POU2F2: variants seen among roughly 807,000 people sequenced by gnomAD.
POU2F2 encodes the protein POU class 2 homeobox 2, also known as POU domain, class 2, transcription factor 2.
A neutral mutation model predicts 63.5 loss-of-function variants in POU2F2; 14 were observed. The observed-to-expected ratio is 0.22, with a 90% CI of 0.15 to 0.34. The LOEUF is 0.34. Ranked by LOEUF, POU2F2 falls within the 10% of genes least tolerant of loss-of-function variation. POU2F2 has a pLI of 1.00. For missense variants in POU2F2, 607 were observed against 815.2 expected (o/e 0.74, Z 3.11); for synonymous variants, 306 against 348.6 (o/e 0.88, Z 1.36).
upstream of POU2F2, among the ~76,000 whole-genome samples, chr19:42,136,240 A>C (rs2034009618): frequency 7.0e-6 from 1 of 142,752 alleles, no homozygotes. Flanking sequence ...GCTGGAGTGC[A>C]GTGGCATGAT....
At chr19:42,108,594 A>C (rs2030532982) in intron 5 of POU2F2, among the ~76,000 whole-genome samples, 1 of 152,198 alleles carries the variant, frequency 6.6e-6, no homozygotes, top group Admixed American at 6.5e-5. Context: ...CAAAGAAAAA[A>C]AAAGAAAGAA....
intron 1 of POU2F2, among the ~76,000 whole-genome samples, chr19:42,181,679 C>T (rs1331213081): frequency 3.3e-5 from 5 of 152,024 alleles, no homozygotes; most frequent in Non-Finnish European, 7.4e-5. Context: ...CTCTGCCTCC[C>T]GGGTTCAAGC....
intron 5 of POU2F2, among the ~76,000 whole-genome samples, chr19:42,105,999 T>TC (rs1487918924): frequency 5.3e-5 from 7 of 132,324 alleles, no homozygotes; most frequent in East Asian, 2.2e-4. Flanking sequence ...GATCTTTCTT[T>TC]TTTCTTTCTT....
intron 2 of POU2F2, 46 bp downstream of exon 2, chr19:42,122,465 C>G: frequency 6.2e-7 from 1 of 1,607,596 alleles, no homozygotes; most frequent in African/African-American, 1.3e-5. Flanking sequence ...TGTCCCACTT[C>G]CCCTGCCCAC....
At chr19:42,142,631 T>C (rs542610028) in intron 2 of POU2F2, among the ~76,000 whole-genome samples, 1 of 152,150 alleles carries the variant, frequency 6.6e-6, no homozygotes, top group East Asian at 1.9e-4. Flanking sequence ...AGTGGTGCAA[T>C]CTCAGCTCAC....
Position 42,132,175 on chromosome 19 carries a change from T to C in POU2F2, c.28+209A>G, listed in dbSNP as rs573799173. 2.3e-4 allele frequency among the ~76,000 whole-genome samples: 35 copies of C among 152,234 alleles called. No homozygotes were observed. The South Asian group carries it at 4.8e-3, about 21-fold the overall frequency. On this transcript the variant is annotated intron_variant, in intron 1 of 14. Coordinates refer to ENST00000692977, the MANE Select transcript of POU2F2 (RefSeq NM_001394376.1). ...CAGGGCAACAGAGAAGAGAAGATGT[T>C]GGAAGTTCCGGTGCCTGATGTGGAA...
chr19:42,102,280 A>T (rs1444588964), intron 5 of POU2F2, among the ~76,000 whole-genome samples: 1 of 152,146 alleles, frequency 6.6e-6, no homozygotes, highest in East Asian at 1.9e-4. Context: ...CATGACAGAG[A>T]ACATCCTGTA....
At chr19:42,112,498 T>G (rs1274811510) in intron 5 of POU2F2, among the ~76,000 whole-genome samples, 2 of 152,064 alleles carry the variant, frequency 1.3e-5, no homozygotes, top group African/African-American at 4.8e-5. Context: ...GCCACCCGAG[T>G]AGCTAGGATT....
At chr19:42,109,032 G>A (rs924580579) in intron 5 of POU2F2, among the ~76,000 whole-genome samples, 1 of 152,246 alleles carries the variant, frequency 6.6e-6, no homozygotes, top group Non-Finnish European at 1.5e-5. Context: ...CTTTGCCATA[G>A]CTGGGACTTT....
At chr19:42,132,103 G>A (rs1325121818) in intron 1 of POU2F2, among the ~76,000 whole-genome samples, 2 of 152,140 alleles carry the variant, frequency 1.3e-5, no homozygotes, top group African/African-American at 2.4e-5. Context: ...ATGAGGGCCC[G>A]CTACCAACAC....
At chr19:42,195,122 GAAGA>G (rs2035125830) in intron 1 of POU2F2, among the ~76,000 whole-genome samples, 1 of 88,326 alleles carries the variant, frequency 1.1e-5, no homozygotes, top group African/African-American at 4.4e-5. Flanking sequence ...AGGGAGGAAC[GAAGA>G]GAGGGAGGAA....
chr19:42,180,150 G>A (rs2034944771), upstream of POU2F2, among the ~76,000 whole-genome samples: 1 of 152,150 alleles, frequency 6.6e-6, no homozygotes, highest in South Asian at 2.1e-4. Flanking sequence ...CAGCCTCCCT[G>A]GGACCCATAC....
At chr19:42,192,816 A>G (rs528101886) in intron 1 of POU2F2, among the ~76,000 whole-genome samples, 1 of 152,288 alleles carries the variant, frequency 6.6e-6, no homozygotes, top group Non-Finnish European at 1.5e-5. Context: ...CTGACAACAC[A>G]TAGTATTGGT....
intron 5 of POU2F2, chr19:42,116,878 G>A (rs1238289964): frequency 2.4e-6 from 1 of 423,506 alleles, no homozygotes; most frequent in Non-Finnish European, 4.7e-6. Context: ...GGAGGCGGAG[G>A]CGGCGGCGGC....
chr19:42,160,057 C>T (rs113310034), intron 2 of POU2F2, among the ~76,000 whole-genome samples: 7 of 152,226 alleles, frequency 4.6e-5, no homozygotes, highest in East Asian at 1.9e-4. Context: ...TCTGAGCCAC[C>T]GAGTTACCCC....
chr19:42,122,651 C>A (rs2032780390), intron 1 of POU2F2, 75 bp from the exon 2 acceptor site: 3 of 1,339,796 alleles, frequency 2.2e-6, no homozygotes, highest in Admixed American at 4.8e-5. Flanking sequence ...CATTCCACCA[C>A]ACTCCCCAAG....
At chr19:42,178,420 A>G (rs746946153), upstream of POU2F2, among the ~76,000 whole-genome samples, 2 of 152,228 alleles carry the variant, frequency 1.3e-5, no homozygotes, top group African/African-American at 2.4e-5. Flanking sequence ...ACACGCAAAG[A>G]GAGACAAATG....
intron 2 of POU2F2, among the ~76,000 whole-genome samples, chr19:42,142,562 T>G (rs957011378): frequency 1.3e-5 from 2 of 151,452 alleles, no homozygotes; most frequent in African/African-American, 2.4e-5. Context: ...GTTTTTTATT[T>G]GTTTTTGTTT....
intron 1 of POU2F2, among the ~76,000 whole-genome samples, chr19:42,175,732 G>T (rs2034860733): frequency 6.6e-6 from 1 of 152,124 alleles, no homozygotes; most frequent in Admixed American, 6.5e-5. Context: ...CCAAGTTACA[G>T]ACTTTGTCCA....
Sources: allele counts gnomAD v4.1 joint callset (sites outside exome capture counted in the v4.1 genomes callset), GRCh38; gene constraint gnomAD v4.1.1; transcripts MANE v1.5; gene names NCBI Gene and HGNC (gene_info 2026-07-23, HGNC 2026-07-21).